DPY19L2: variants seen among roughly 807,000 people sequenced by gnomAD.
The protein encoded by DPY19L2 is probable C-mannosyltransferase DPY19L2.
DPY19L2 carries 34 observed loss-of-function variants against 97.9 expected under a neutral mutation model. The ratio of observed to expected loss-of-function variants is 0.35; its 90% CI spans 0.26 to 0.46. The LOEUF (loss-of-function observed/expected upper bound fraction) is 0.46, where lower values mean the gene tolerates loss of function less well. Among genes scored for constraint, DPY19L2 ranks in the 20% least tolerant of loss-of-function variants. The pLI is 1.00. For missense variants in DPY19L2, 623 were observed against 911.4 expected, an observed-to-expected ratio of 0.68 and a Z score of 4.07; for synonymous variants, 230 against 307.9, an observed-to-expected ratio of 0.75 and a Z score of 2.65.
At chr12:63,644,320 A>T (rs1410285077) in intron 6 of DPY19L2, 83 bp downstream of exon 6, 1 of 1,514,776 alleles carries the variant, frequency 6.6e-7, no homozygotes, top group Non-Finnish European at 8.8e-7. Flanking sequence ...AATCTCATTA[A>T]TTTTCCTTTT....
intron 16 of DPY19L2, chr12:63,584,253 G>T (rs990113271): frequency 6.5e-6 from 1 of 153,664 alleles, no homozygotes; most frequent in African/African-American, 2.4e-5. Context: ...ATAAAACTTT[G>T]TAAGCATCTC....
rs1288303704 is a variant in DPY19L2 at position 63,668,148 on chromosome 12, G to C, written c.246C>G (p.Phe82Leu). 1 of 1,614,020 alleles carries C rather than the reference G, an allele frequency of 6.2e-7. No homozygotes were observed. The highest frequency in any genetic ancestry group is 8.5e-7 in the Non-Finnish European group (1 of 1,179,992). ...VVAKTFLLGP[F>L]QFVRNSLAQL... Reference sequence around the variant, plus strand: ...GCGCCAGGGAATTACGGACGAACTGGAAGGGGCCGAGAAGAAAGGTCTTGG... The same window carrying C: ...GCGCCAGGGAATTACGGACGAACTGCAAGGGGCCGAGAAGAAAGGTCTTGG... The change falls in exon 1 of 22, where the codon TTC (phenylalanine) becomes TTG (leucine). Residue 82 changes from phenylalanine (F) to leucine (L), a missense_variant. Transcript: ENST00000324472.
intron 11 of DPY19L2, among the ~76,000 whole-genome samples, chr12:63,612,493 G>A (rs540687360): frequency 2.4e-4 from 36 of 151,666 alleles, no homozygotes; most frequent in African/African-American, 8.4e-4. Flanking sequence ...ATCAAAATAT[G>A]TGGGATGTTG....
intron 16 of DPY19L2, among the ~76,000 whole-genome samples, chr12:63,592,582 C>A (rs1178847444): frequency 6.7e-6 from 1 of 149,174 alleles, no homozygotes; most frequent in Non-Finnish European, 1.5e-5. Flanking sequence ...AACTGGCTAG[C>A]CATATGTAGA....
At chr12:63,567,288 T>C (rs1259980198) in intron 21 of DPY19L2, among the ~76,000 whole-genome samples, 1 of 152,104 alleles carries the variant, frequency 6.6e-6, no homozygotes, top group Non-Finnish European at 1.5e-5. Flanking sequence ...TTTCACTTAA[T>C]GTATCCAGGC....
At chr12:63,578,320 T>TGAGGG (rs200279125) in intron 19 of DPY19L2, among the ~76,000 whole-genome samples, 11,438 of 151,468 alleles carry the variant, frequency 0.076, 651 homozygotes, top group African/African-American at 0.16. Context: ...GGAAGGATAG[T>TGAGGG]GAGGGGGTGG....
At chr12:63,615,947 C>T (rs1259638212) in intron 11 of DPY19L2, among the ~76,000 whole-genome samples, 2 of 151,886 alleles carry the variant, frequency 1.3e-5, no homozygotes, top group Non-Finnish European at 2.9e-5. Context: ...AATAATAATA[C>T]AACAGTTTAA....
intron 6 of DPY19L2, among the ~76,000 whole-genome samples, chr12:63,626,890 T>C (rs938635041): frequency 6.6e-6 from 1 of 152,088 alleles, no homozygotes; most frequent in Non-Finnish European, 1.5e-5. Flanking sequence ...ACGATTCTCC[T>C]GCCTCAGGCT....
rs979770633 is a variant in DPY19L2, at chr12:63,633,026, C to A, written c.804-6500G>T. Reference sequence around the variant, plus strand: ...TGGCTAGCCATATGTAGAAAGCTGACACTGGATCCCTTCCTTACACCTTTT... The same window carrying A: ...TGGCTAGCCATATGTAGAAAGCTGAAACTGGATCCCTTCCTTACACCTTTT... On this transcript the variant is annotated intron_variant, in intron 6 of 21. Coordinates refer to ENST00000324472, the MANE Select transcript of DPY19L2 (RefSeq NM_173812.5). 2.5e-4 allele frequency among the ~76,000 whole-genome samples: 38 copies of A among 152,056 alleles called. 1 individual carries two copies. Among genetic ancestry groups the A allele is most frequent in the East Asian group, 9.6e-4 (5 of 5,186 alleles).
chr12:63,580,707 G>A lies in DPY19L2; in HGVS notation c.1855C>T (p.Pro619Ser). The change falls in exon 19 of 22, where the codon CCT becomes TCT. Residue 619 changes from proline to serine, a missense_variant. By Grantham distance (74) the Pro-to-Ser change is moderately conservative (BLOSUM62 -1). This residue lies in a region of DPY19L2 where 294 missense variants were observed against 446.2 expected (regional missense o/e 0.66). Coordinates refer to ENST00000324472, the MANE Select transcript of DPY19L2 (RefSeq NM_173812.5). Reference sequence around the variant, plus strand: ...ATCCACTGTAAAAGTTCTTCCTGAGGCAAATTATTAAATTCTCCTATTATG... The same window carrying A: ...ATCCACTGTAAAAGTTCTTCCTGAGACAAATTATTAAATTCTCCTATTATG... The part of the protein sequence containing the change: ...WSIIGEFNNL[P>S]QEELLQWIKY... 1.9e-6 allele frequency: 3 copies of A among 1,613,262 alleles called. No individual in the cohort carries two copies. The highest frequency in any genetic ancestry group is 1.7e-6 in the Non-Finnish European group (2 of 1,179,558).
chr12:63,570,661 G>A lies in DPY19L2; in HGVS notation c.2000+97C>T, dbSNP rs866606214. ...TGAGGATGAGTTTGTGTGTGTGTGT[G>A]TGTGTGTGTGTGTGTGTGTGTGTGT... On this transcript the variant is annotated intron_variant, in intron 20 of 21. Transcript: ENST00000324472. 8.9e-4 allele frequency: 841 copies of A among 948,096 alleles called. 9 individuals are homozygous for A. In the East Asian group the frequency reaches 0.019, roughly 21 times the overall value. The allele number at this position is 948,096 out of a possible 1,614,324, so 58.7% of individuals were successfully genotyped here.
At position 63,560,474 on chromosome 12, in the gene DPY19L2, C is replaced by A; in HGVS notation, c.*38G>T. On this transcript the variant is annotated 3_prime_UTR_variant, in exon 22 of 22. Coordinates refer to ENST00000324472, the MANE Select transcript of DPY19L2 (RefSeq NM_173812.5). ...AGCCAAAGGGTGATTGTTTTTGACA[C>A]ACGGCATTGTGCCATAGTAAAATGG... is the stretch of plus-strand genomic sequence containing the variant. 6.3e-7 allele frequency: 1 copy of A among 1,594,402 alleles called. No homozygotes were observed. The highest frequency in any genetic ancestry group is 2.3e-5 in the East Asian group (1 of 44,406).
At chr12:63,583,577 C>A (rs906170473) in intron 17 of DPY19L2, among the ~76,000 whole-genome samples, 1 of 152,126 alleles carries the variant, frequency 6.6e-6, no homozygotes, top group Non-Finnish European at 1.5e-5. Context: ...TAAATGAATG[C>A]AATTTAATTT....
chr12:63,649,398 T>C (rs568520857), intron 4 of DPY19L2, among the ~76,000 whole-genome samples: 1 of 152,072 alleles, frequency 6.6e-6, no homozygotes, highest in Non-Finnish European at 1.5e-5. Flanking sequence ...AGTTGGTTCT[T>C]TGAAAGAACA....
At chr12:63,627,704 G>A (rs1212755200) in intron 6 of DPY19L2, among the ~76,000 whole-genome samples, 2 of 152,146 alleles carry the variant, frequency 1.3e-5, no homozygotes, top group Non-Finnish European at 1.5e-5. Context: ...TGAGAATGCA[G>A]ATGCTCAATC....
rs911051901 is a variant in DPY19L2, at chr12:63,667,880, ATCTC to A, written c.337+173_337+176del. ...AGCCCTTCAAACCAATATACTCCCT[ATCTC>A]TCTCTCTCCCCTGGTTCAATGACAA... is the stretch of plus-strand genomic sequence containing the variant. On this transcript the variant is annotated intron_variant, in intron 1 of 21. Transcript: ENST00000324472. Among the ~76,000 whole-genome samples, 22 of 151,416 alleles carry A rather than the reference ATCTC, an allele frequency of 1.5e-4. 1 individual carries two copies. The highest frequency in any genetic ancestry group is 5.3e-4 in the African/African-American group (22 of 41,242).
intron 9 of DPY19L2, chr12:63,620,166 A>T (rs1413970812): frequency 3.3e-6 from 1 of 300,168 alleles, no homozygotes; most frequent in African/African-American, 2.2e-5. Context: ...TGTCATCAAA[A>T]TTCTCCATTT....
intron 4 of DPY19L2, among the ~76,000 whole-genome samples, chr12:63,658,320 C>T (rs553808562): frequency 6.6e-6 from 1 of 152,140 alleles, no homozygotes; most frequent in Admixed American, 6.5e-5. Flanking sequence ...CATGGTGAAA[C>T]CCCGTTTCTA....
At position 63,612,260 on chromosome 12, in the gene DPY19L2, T is replaced by C. The variant is rs186795958; in HGVS notation, c.1219-3585A>G. ...GCACTAAAGGAAATGTTAAAGGAGGTCTTTCAGACAGCAGGAATACAGTAG... is the reference window on the plus strand; with the variant it reads ...GCACTAAAGGAAATGTTAAAGGAGGCCTTTCAGACAGCAGGAATACAGTAG... On this transcript the variant is annotated intron_variant, in intron 11 of 21. Coordinates refer to ENST00000324472, the MANE Select transcript of DPY19L2 (RefSeq NM_173812.5). 2.8e-4 allele frequency among the ~76,000 whole-genome samples: 42 copies of C among 151,780 alleles called. No individual in the cohort carries two copies. In the East Asian group the frequency reaches 8.2e-3, roughly 29 times the overall value.
Sources: allele counts gnomAD v4.1 joint callset (sites outside exome capture counted in the v4.1 genomes callset), GRCh38; gene constraint gnomAD v4.1.1; regional missense constraint gnomAD v4.1.1; transcripts MANE v1.5; gene names NCBI Gene and HGNC (gene_info 2026-07-23, HGNC 2026-07-21).